AIG1: variants seen among roughly 807,000 people sequenced by gnomAD.
The protein encoded by AIG1 is androgen-induced gene 1 protein.
In AIG1, 23 loss-of-function variants were observed where a neutral mutation model predicts 31.4. The observed-to-expected ratio is 0.73, with a 90% CI of 0.53 to 1.04. The LOEUF is 1.04. Ranked by LOEUF, AIG1 falls within the 50% of genes least tolerant of loss-of-function variation. AIG1 has a pLI of 0.00. For synonymous variants in AIG1, 100 were observed against 110.5 expected, an observed-to-expected ratio of 0.90 and a Z score of 0.60; for missense variants, 274 against 295.0, an observed-to-expected ratio of 0.93 and a Z score of 0.52.
intron 1 of AIG1, among the ~76,000 whole-genome samples, chr6:143,065,666 C>G (rs1776631872): frequency 6.6e-6 from 1 of 152,182 alleles, no homozygotes; most frequent in Non-Finnish European, 1.5e-5. Flanking sequence ...GAAGCTTTCT[C>G]TTCCCAAATT....
At chr6:143,254,168 T>G (rs1263497959) in intron 3 of AIG1, among the ~76,000 whole-genome samples, 1 of 152,178 alleles carries the variant, frequency 6.6e-6, no homozygotes, top group Non-Finnish European at 1.5e-5. Context: ...GTAGCAGTTC[T>G]TGGTAATTAC....
intron 3 of AIG1, among the ~76,000 whole-genome samples, chr6:143,213,823 G>T (rs916434620): frequency 6.6e-6 from 1 of 151,940 alleles, no homozygotes; most frequent in Admixed American, 6.6e-5. Context: ...GGCCTGGGAA[G>T]TTCTTTCTGA....
chr6:143,185,961 T>A (rs1789221807), intron 3 of AIG1, among the ~76,000 whole-genome samples: 2 of 152,206 alleles, frequency 1.3e-5, no homozygotes, highest in Non-Finnish European at 2.9e-5. Context: ...CATAGAACCT[T>A]ATAGAACCCT....
At chr6:143,278,059 T>C (rs184188014) in intron 3 of AIG1, among the ~76,000 whole-genome samples, 62 of 152,368 alleles carry the variant, frequency 4.1e-4, no homozygotes, top group Admixed American at 3.5e-3. Context: ...AGGTCATTCA[T>C]TGCCATCACA....
chr6:143,108,911 G>A (rs116101121), intron 1 of AIG1, among the ~76,000 whole-genome samples: 2 of 152,124 alleles, frequency 1.3e-5, no homozygotes, highest in Non-Finnish European at 2.9e-5. Flanking sequence ...AAACACATCT[G>A]TGTAACCACC....
upstream of AIG1, chr6:143,060,824 C>G: frequency 9.3e-6 from 4 of 431,372 alleles, no homozygotes; most frequent in Non-Finnish European, 1.2e-5. Flanking sequence ...GCCCCGCGCC[C>G]GCGCCCGCGC....
At chr6:143,216,351 C>A (rs1349212051) in intron 3 of AIG1, among the ~76,000 whole-genome samples, 1 of 152,140 alleles carries the variant, frequency 6.6e-6, no homozygotes, top group East Asian at 1.9e-4. Flanking sequence ...ATGGGACAGT[C>A]ATCAGGTATA....
At chr6:143,335,782 C>G (rs2128725186) in intron 5 of AIG1, among the ~76,000 whole-genome samples, 1 of 151,904 alleles carries the variant, frequency 6.6e-6, no homozygotes, top group Admixed American at 6.6e-5. Context: ...TTGCAAAACT[C>G]CATCTCTACT....
At chr6:143,283,508 A>G (rs11155288) in intron 3 of AIG1, among the ~76,000 whole-genome samples, 57,911 of 152,110 alleles carry the variant, frequency 0.38, 11,380 homozygotes, top group East Asian at 0.51. Flanking sequence ...TCTACGAAAG[A>G]TGTTCATCAT....
chr6:143,322,946 CTGTT>C (rs1392475366), intron 4 of AIG1, among the ~76,000 whole-genome samples: 1 of 152,010 alleles, frequency 6.6e-6, no homozygotes, highest in Non-Finnish European at 1.5e-5. Flanking sequence ...TTTGTTTGTT[CTGTT>C]TGCTTTTTTT....
intron 3 of AIG1, among the ~76,000 whole-genome samples, chr6:143,206,776 T>C (rs73592279): frequency 0.023 from 3,527 of 152,302 alleles, 127 homozygotes; most frequent in African/African-American, 0.076. Flanking sequence ...TTTACGGCAA[T>C]AATTATGAGA....
intron 5 of AIG1, among the ~76,000 whole-genome samples, chr6:143,336,662 T>C (rs1043291851): frequency 6.6e-6 from 1 of 152,194 alleles, no homozygotes; most frequent in African/African-American, 2.4e-5. Flanking sequence ...CCAGAATACA[T>C]GTCCTTCACC....
intron 4 of AIG1, among the ~76,000 whole-genome samples, chr6:143,295,991 A>T (rs751021662): frequency 6.6e-6 from 1 of 152,174 alleles, no homozygotes; most frequent in Non-Finnish European, 1.5e-5. Context: ...GATAGACTTT[A>T]ATAAGAGAAA....
chr6:143,319,672 G>A (rs1776045252), intron 4 of AIG1, among the ~76,000 whole-genome samples: 1 of 151,472 alleles, frequency 6.6e-6, no homozygotes, highest in Admixed American at 6.6e-5. Flanking sequence ...CTAAGAGTTG[G>A]GTTTTTTTTT....
At chr6:143,211,892 C>CAAAAAA in intron 3 of AIG1, among the ~76,000 whole-genome samples, 1 of 131,300 alleles carries the variant, frequency 7.6e-6, no homozygotes, top group African/African-American at 2.8e-5. Context: ...GACCCTGTCT[C>CAAAAAA]AAAAAAAAAA....
rs76070221 is a variant in AIG1 at position 143,099,245 on chromosome 6, T to G, written c.142-37590T>G. ...GCTGCTACTACTGCAGAAAGCTTCA[T>G]AAACTTTTCAGCCAGAAATATTGTA... is the stretch of plus-strand genomic sequence containing the variant. On this transcript the variant is annotated intron_variant, in intron 1 of 5. Transcript: ENST00000357847. Among the ~76,000 whole-genome samples the G allele has an allele frequency of 8.5e-3, 1,300 of 152,312 alleles. 14 individuals are homozygous for G. The highest frequency in any genetic ancestry group is 0.023 in the African/African-American group (951 of 41,560).
At chr6:143,076,936 G>A (rs978883305) in intron 1 of AIG1, among the ~76,000 whole-genome samples, 1 of 152,174 alleles carries the variant, frequency 6.6e-6, no homozygotes, top group Non-Finnish European at 1.5e-5. Context: ...CTCCCAAAGT[G>A]CTGGGATTAC....
chr6:143,341,692 C>G (rs757008370), downstream of AIG1, among the ~76,000 whole-genome samples: 9 of 152,162 alleles, frequency 5.9e-5, no homozygotes, highest in Non-Finnish European at 1.2e-4. Flanking sequence ...GCCACCAGAA[C>G]TTTGAGAAAA....
At chr6:143,128,776 A>G (rs1216641830) in intron 1 of AIG1, among the ~76,000 whole-genome samples, 1 of 152,242 alleles carries the variant, frequency 6.6e-6, no homozygotes, top group Non-Finnish European at 1.5e-5. Context: ...GTCAGTTCAA[A>G]TCAAACTCTT....
Sources: allele counts gnomAD v4.1 joint callset (sites outside exome capture counted in the v4.1 genomes callset), GRCh38; gene constraint gnomAD v4.1.1; transcripts MANE v1.5; gene names NCBI Gene and HGNC (gene_info 2026-07-23, HGNC 2026-07-21).